LPCAT2: variants seen among roughly 807,000 people sequenced by gnomAD.
LPCAT2 encodes lysophosphatidylcholine acyltransferase 2.
In LPCAT2, 58 loss-of-function variants were observed where a neutral mutation model predicts 64.7. That is an observed-to-expected ratio of 0.90 (90% CI 0.73 to 1.12). The LOEUF is 1.12. Among genes scored for constraint, LPCAT2 ranks in the 50% most tolerant of loss-of-function variants. LPCAT2 has a pLI of 0.00. For missense variants in LPCAT2, 579 were observed against 669.8 expected, an observed-to-expected ratio of 0.86 and a Z score of 1.50; for synonymous variants, 252 against 245.3, an observed-to-expected ratio of 1.03 and a Z score of -0.26.
chr16:55,514,013 G>C (rs1962971705), intron 1 of LPCAT2, among the ~76,000 whole-genome samples: 1 of 151,992 alleles, frequency 6.6e-6, no homozygotes, highest in African/African-American at 2.4e-5. Context: ...GGCCAGCCCG[G>C]GCAACATAGG....
chr16:55,538,392 C>G (rs1421417653), intron 8 of LPCAT2: 1 of 152,078 alleles, frequency 6.6e-6, no homozygotes, highest in Non-Finnish European at 1.5e-5. Context: ...TTAAGTTTGC[C>G]TGTGTCATGC....
chr16:55,551,040 G>A lies in LPCAT2; in HGVS notation c.1153G>A (p.Ala385Thr), dbSNP rs144199464. The A allele has an allele frequency of 6.9e-5, 111 of 1,612,950 alleles. No homozygotes were observed. The African/African-American group carries it at 1.2e-3, about 18-fold the overall frequency. ...KGGRIGIEEF[A>T]KYLKLPVSDV... Reference sequence around the variant, plus strand: ...AGGAAGAATTGGAATTGAAGAATTCGCCAAGTATTTAAAGTTGCCTGTTTC... The same window carrying A: ...AGGAAGAATTGGAATTGAAGAATTCACCAAGTATTTAAAGTTGCCTGTTTC... Residue 385 changes from alanine to threonine, a missense_variant, in exon 11 of 14, where the codon GCC becomes ACC. Transcript: ENST00000262134.
intron 8 of LPCAT2, among the ~76,000 whole-genome samples, chr16:55,545,031 T>C (rs1963438085): frequency 1.3e-5 from 2 of 152,176 alleles, no homozygotes; most frequent in Admixed American, 1.3e-4. Context: ...GCCTGGTATA[T>C]AGTAGGTGCT....
At chr16:55,523,610 C>T (rs1394622055) in intron 1 of LPCAT2, among the ~76,000 whole-genome samples, 1 of 151,604 alleles carries the variant, frequency 6.6e-6, no homozygotes, top group Non-Finnish European at 1.5e-5. Context: ...AGAGTAAATA[C>T]TGATATATAT....
chr16:55,579,296 CTA>C, intron 13 of LPCAT2, 52 bp downstream of exon 13: 2 of 1,562,658 alleles, frequency 1.3e-6, no homozygotes, highest in Non-Finnish European at 1.7e-6. Flanking sequence ...GACATCCAGA[CTA>C]TGGACTGATG....
Position 55,586,183 on chromosome 16 carries a change from T to C in LPCAT2, c.*3085T>C, listed in dbSNP as rs1019338508. On this transcript the variant is annotated 3_prime_UTR_variant, in exon 14 of 14. Coordinates refer to ENST00000262134, the MANE Select transcript of LPCAT2 (RefSeq NM_017839.5). ...TCTTCACATATATTCAAAATACATA[T>C]CACAAACTTTGGTAAATAGGATAGT... 1.3e-5 allele frequency: 2 copies of C among 152,108 alleles called. No homozygotes were observed. The highest frequency in any genetic ancestry group is 4.8e-5 in the African/African-American group (2 of 41,430). The allele number at this position is 152,108 out of a possible 1,614,324, so 9.4% of individuals were successfully genotyped here.
chr16:55,583,040 G>A lies in LPCAT2; in HGVS notation c.1577G>A (p.Ser526Asn), dbSNP rs1422451019. ...KEVQTTPSTA[S>N]NKVSPEKHEE... ...GTCCAGACAACCCCCTCCACCGCCA[G>A]TAATAAAGTCAGCCCTGAAAAGCAT... Residue 526 changes from serine (S) to asparagine (N), a missense_variant, in exon 14 of 14, where the codon AGT (serine) becomes AAT (asparagine). Physicochemically the swap from Ser to Asn is conservative, Grantham distance 46. Coordinates refer to ENST00000262134, the MANE Select transcript of LPCAT2 (RefSeq NM_017839.5). 5.0e-6 allele frequency: 8 copies of A among 1,613,636 alleles called. No individual in the cohort carries two copies. The highest frequency in any genetic ancestry group is 6.8e-6 in the Non-Finnish European group (8 of 1,179,824).
Position 55,537,633 on chromosome 16 carries a change from G to T in LPCAT2, c.852+1G>T. 1 of 1,612,662 alleles carries T rather than the reference G, an allele frequency of 6.2e-7. No homozygotes were observed. Among genetic ancestry groups the T allele is most frequent in the Non-Finnish European group, 8.5e-7 (1 of 1,179,110 alleles). On this transcript the variant is annotated splice_donor_variant, in intron 8 of 13. Transcript: ENST00000262134. LOFTEE classifies it high-confidence loss of function. Reference sequence around the variant, plus strand: ...GCTCTTCACAAAGGTAGAAGTTGAGGTAAGTCATTCAAAATGTGGCCTTGG... The same window carrying T: ...GCTCTTCACAAAGGTAGAAGTTGAGTTAAGTCATTCAAAATGTGGCCTTGG...
intron 4 of LPCAT2, among the ~76,000 whole-genome samples, chr16:55,531,514 G>A (rs1235374867): frequency 2.0e-4 from 31 of 152,098 alleles, no homozygotes; most frequent in Admixed American, 2.0e-3. Context: ...TGTTGTGGGA[G>A]TAAATATTAA....
rs1567407070 is a variant in LPCAT2, at chr16:55,574,597, GCCCTCCTAATTGATTTAT to G, written c.1216-30_1216-13del. On this transcript the variant is annotated splice_polypyrimidine_tract_variant and intron_variant, in intron 11 of 13. Coordinates refer to ENST00000262134, the MANE Select transcript of LPCAT2 (RefSeq NM_017839.5). ...AGGATTAATAGTAATTCCACTAGTG[GCCCTCCTAATTGATTTAT>G]CCCATCCTTTCACAGAACCATGATG... 1 of 1,369,470 alleles carries G rather than the reference GCCCTCCTAATTGATTTAT, an allele frequency of 7.3e-7. No individual in the cohort carries two copies. Among genetic ancestry groups the G allele is most frequent in the South Asian group, 1.2e-5 (1 of 86,188 alleles). The allele number at this position is 1,369,470 out of a possible 1,614,324, so 84.8% of individuals were successfully genotyped here.
At chr16:55,563,010 A>G (rs1020399783) in intron 11 of LPCAT2, among the ~76,000 whole-genome samples, 3 of 151,862 alleles carry the variant, frequency 2.0e-5, no homozygotes, top group Non-Finnish European at 4.4e-5. Context: ...TTGAGGGGGG[A>G]AAAAGCTAGA....
chr16:55,520,741 T>C (rs1963083841), intron 1 of LPCAT2, among the ~76,000 whole-genome samples: 1 of 151,962 alleles, frequency 6.6e-6, no homozygotes, highest in South Asian at 2.1e-4. Context: ...AATCAAGCTA[T>C]ATACTTTAAA....
chr16:55,512,007 A>G (rs142334412), intron 1 of LPCAT2, among the ~76,000 whole-genome samples: 1 of 152,308 alleles, frequency 6.6e-6, no homozygotes, highest in East Asian at 1.9e-4. Context: ...CTTCCCCAGT[A>G]TACCACCATA....
Position 55,582,948 on chromosome 16 carries a change from AT to A in LPCAT2, c.1486del (p.Tyr496MetfsTer9). 1 of 1,613,340 alleles carries A rather than the reference AT, an allele frequency of 6.2e-7. No individual in the cohort carries two copies. Among genetic ancestry groups the A allele is most frequent in the Non-Finnish European group, 8.5e-7 (1 of 1,179,490 alleles). On this transcript the variant is annotated frameshift_variant, in exon 14 of 14. Transcript: ENST00000262134. LOFTEE classifies it high-confidence loss of function. ...AAAGTTTTGCCTTAAAGCATCCAGA[AT>A]ATGCTAAGATATTTACAACATACCT... ...FKSFALKHPE[Y>X]AKIFTTYLDL...
intron 11 of LPCAT2, among the ~76,000 whole-genome samples, chr16:55,559,756 A>G (rs1180459395): frequency 1.3e-5 from 2 of 148,788 alleles, no homozygotes; most frequent in African/African-American, 2.5e-5. Context: ...CACAACTTAT[A>G]TGATACAATT....
chr16:55,509,494 C>A, intron 1 of LPCAT2, 142 bp downstream of exon 1: 1 of 898,902 alleles, frequency 1.1e-6, no homozygotes, highest in Non-Finnish European at 1.5e-6. Context: ...CCGAGGCGGG[C>A]GAGAGTCTGA....
At chr16:55,559,790 C>T (rs1963616667) in intron 11 of LPCAT2, among the ~76,000 whole-genome samples, 1 of 143,942 alleles carries the variant, frequency 6.9e-6, no homozygotes, top group African/African-American at 2.6e-5. Context: ...AAAAAGGCTA[C>T]AACTTTCTGA....
intron 7 of LPCAT2, among the ~76,000 whole-genome samples, chr16:55,537,103 T>C (rs542784430): frequency 2.0e-5 from 3 of 152,306 alleles, no homozygotes; most frequent in African/African-American, 4.8e-5. Flanking sequence ...CTCTAGAGAC[T>C]TGGGCCTTTG....
intron 11 of LPCAT2, chr16:55,567,283 G>A (rs1963713663): frequency 1.9e-6 from 3 of 1,613,644 alleles, no homozygotes; most frequent in Non-Finnish European, 2.5e-6. Context: ...CAGCTGCGGG[G>A]AGCTCTGCAG....
Sources: gnomAD v4.1 joint callset for allele counts (sites outside exome capture counted in the v4.1 genomes callset) on GRCh38, gnomAD v4.1.1 for gene constraint, MANE v1.5 for transcripts, NCBI Gene and HGNC (gene_info 2026-07-23, HGNC 2026-07-21) for gene names.